LMBR1: variants seen among roughly 807,000 people sequenced by gnomAD.
The protein encoded by LMBR1 is limb development membrane protein 1, also known as limb region 1 protein homolog.
A neutral mutation model predicts 73.9 loss-of-function variants in LMBR1; 52 were observed. That is an observed-to-expected ratio of 0.70 (90% CI 0.56 to 0.89). The LOEUF (loss-of-function observed/expected upper bound fraction) is 0.89. LMBR1 is among the 40% of genes least tolerant of loss of function. The pLI, the probability that LMBR1 is intolerant of heterozygous loss-of-function variation, is 0.00. For synonymous variants in LMBR1, 215 were observed against 209.4 expected (o/e 1.03, Z -0.23); for missense variants, 539 against 579.8 (o/e 0.93, Z 0.72).
intron 5 of LMBR1, among the ~76,000 whole-genome samples, chr7:156,772,098 A>AC (rs1825295251): frequency 6.6e-6 from 1 of 152,094 alleles, no homozygotes; most frequent in South Asian, 2.1e-4. Flanking sequence ...ACATGGTGAA[A>AC]CCCCGTCTCT....
intron 4 of LMBR1, among the ~76,000 whole-genome samples, chr7:156,808,683 T>G (rs535958287): frequency 1.4e-4 from 21 of 152,342 alleles, no homozygotes; most frequent in African/African-American, 4.6e-4. Context: ...AAGTATTTTT[T>G]ATGATTCTAG....
At chr7:156,818,851 C>G (rs1423867009) in intron 4 of LMBR1, among the ~76,000 whole-genome samples, 1 of 152,060 alleles carries the variant, frequency 6.6e-6, no homozygotes, top group Non-Finnish European at 1.5e-5. Context: ...ATTTTTTAAC[C>G]CTTTTTCCTA....
chr7:156,848,408 C>T (rs1056753489), intron 1 of LMBR1, among the ~76,000 whole-genome samples: 3 of 152,158 alleles, frequency 2.0e-5, no homozygotes, highest in Non-Finnish European at 4.4e-5. Context: ...AGAAGACATA[C>T]ATGCAGCCAA....
In LMBR1 at chr7:156,683,947, A is replaced by G. The variant is rs143730984; in HGVS notation, c.*131T>C. The G allele has an allele frequency of 4.8e-5, 34 of 705,810 alleles. No homozygotes were observed. In the African/African-American group the frequency reaches 5.9e-4, roughly 12 times the overall value. 43.7% of individuals were successfully genotyped at this position (705,810 alleles called of 1,614,324 possible). A position where few individuals can be genotyped will look rare whatever the true frequency, so the allele number is the denominator to read the frequency against. ...CAAGTTCTTCGTAGATTATGAAAAA[A>G]AAATGGCACTGATAGGTCTAGGTTC... On this transcript the variant is annotated 3_prime_UTR_variant, in exon 17 of 17. Coordinates refer to ENST00000353442, the MANE Select transcript of LMBR1 (RefSeq NM_022458.4).
At position 156,794,412 on chromosome 7, in the gene LMBR1, C is replaced by A. The variant is rs185555767; in HGVS notation, c.423+1977G>T. On this transcript the variant is annotated intron_variant, in intron 5 of 16. Coordinates refer to ENST00000353442, the MANE Select transcript of LMBR1 (RefSeq NM_022458.4). ...TTGACCTTAAGTCTGTAAGGGGGAA[C>A]AGGAGAAAAATGACATGTCACTGGG... is the stretch of plus-strand genomic sequence containing the variant. Among the ~76,000 whole-genome samples, 4 of 152,236 alleles carry A rather than the reference C, an allele frequency of 2.6e-5. 1 individual carries two copies. The highest frequency in any genetic ancestry group is 2.6e-4 in the Admixed American group (4 of 15,298).
chr7:156,770,720 C>A (rs2133048456), intron 5 of LMBR1, among the ~76,000 whole-genome samples: 1 of 152,088 alleles, frequency 6.6e-6, no homozygotes, highest in East Asian at 1.9e-4. Flanking sequence ...TCAAGACCAG[C>A]CTGGGCAACA....
intron 15 of LMBR1, among the ~76,000 whole-genome samples, chr7:156,712,769 G>A (rs1812345603): frequency 6.6e-6 from 1 of 152,182 alleles, no homozygotes; most frequent in Non-Finnish European, 1.5e-5. Flanking sequence ...AAAGACAAAT[G>A]CTGTATGTTC....
intron 1 of LMBR1, among the ~76,000 whole-genome samples, chr7:156,867,200 T>G (rs1022508817): frequency 6.6e-6 from 1 of 152,018 alleles, no homozygotes; most frequent in Non-Finnish European, 1.5e-5. Flanking sequence ...AAAATGCAAA[T>G]CAAAATGACA....
chr7:156,718,227 C>T (rs1353070065), intron 15 of LMBR1, among the ~76,000 whole-genome samples: 1 of 151,592 alleles, frequency 6.6e-6, no homozygotes, highest in Non-Finnish European at 1.5e-5. Flanking sequence ...TGGCATAACC[C>T]CGTCTCTACT....
At position 156,889,006 on chromosome 7, in the gene LMBR1, A is replaced by G. The variant is rs188045695; in HGVS notation, c.66+3922T>C. On this transcript the variant is annotated intron_variant, in intron 1 of 16. Coordinates refer to ENST00000353442, the MANE Select transcript of LMBR1 (RefSeq NM_022458.4). ...GAGGGAGAGGTTGCAATGAGCCGAG[A>G]TCACGCCACTGCACTCTAGCCTGGG... is the stretch of plus-strand genomic sequence containing the variant. 8.3e-4 allele frequency among the ~76,000 whole-genome samples: 126 copies of G among 152,226 alleles called. 2 individuals carry two copies. In the East Asian group the frequency reaches 0.02, roughly 25 times the overall value.
intron 8 of LMBR1, among the ~76,000 whole-genome samples, chr7:156,761,466 A>G (rs1479987207): frequency 2.0e-5 from 3 of 152,176 alleles, no homozygotes; most frequent in Non-Finnish European, 2.9e-5. Context: ...AAATATAACC[A>G]TTTTGTAAAT....
intron 4 of LMBR1, among the ~76,000 whole-genome samples, chr7:156,820,604 T>TA (rs1173357293): frequency 6.6e-6 from 1 of 152,036 alleles, no homozygotes; most frequent in Non-Finnish European, 1.5e-5. Flanking sequence ...TGTTGTAGGG[T>TA]ATATGGAGAT....
In LMBR1 at chr7:156,670,555, T is replaced by C. The variant is rs1441377977; in HGVS notation, n.867-1268A>G. Among the ~76,000 whole-genome samples the C allele has an allele frequency of 6.6e-6, 1 of 152,168 alleles. No individual in the cohort carries two copies. The highest frequency in any genetic ancestry group is 1.5e-5 in the Non-Finnish European group (1 of 68,040). On this transcript the variant is annotated intron_variant and non_coding_transcript_variant, in intron 4 of 4. Transcript: ENST00000430825. This position sits in a 1 kb window ranked among gnomAD's most constrained non-coding sequence, Gnocchi z 4.3. ...TTAAGAAGCCCAAGGAAGCCCAATA[T>C]GATTTTGTTTTAAGTGTCTAGTGAG...
At chr7:156,869,098 T>G (rs938867751) in intron 1 of LMBR1, among the ~76,000 whole-genome samples, 2 of 152,234 alleles carry the variant, frequency 1.3e-5, no homozygotes, top group African/African-American at 4.8e-5. Flanking sequence ...AAAAATTATT[T>G]TATTAAGTGT....
chr7:156,676,510 G>A (rs749643377), downstream of LMBR1: 1 of 1,613,916 alleles, frequency 6.2e-7, no homozygotes, highest in Admixed American at 1.7e-5. Context: ...AGGCGTTCCA[G>A]AGAGATGGCC....
At chr7:156,890,587 C>T (rs773380293) in intron 1 of LMBR1, among the ~76,000 whole-genome samples, 5 of 152,098 alleles carry the variant, frequency 3.3e-5, no homozygotes, top group Non-Finnish European at 7.4e-5. Flanking sequence ...CAAACAGGTG[C>T]TCAAATTCAT....
chr7:156,705,386 C>T (rs2132110927), intron 15 of LMBR1, among the ~76,000 whole-genome samples: 1 of 152,220 alleles, frequency 6.6e-6, no homozygotes, highest in Non-Finnish European at 1.5e-5. Context: ...GGTAAGACCT[C>T]CATCTCTACA....
At chr7:156,747,677 T>C (rs751895272) in intron 9 of LMBR1, among the ~76,000 whole-genome samples, 11 of 152,112 alleles carry the variant, frequency 7.2e-5, no homozygotes, top group Non-Finnish European at 1.3e-4. Context: ...CATTTAACTT[T>C]TAATTTACCA....
intron 10 of LMBR1, 40 bp from the exon 11 acceptor site, chr7:156,728,760 A>C (rs1816267103): frequency 7.2e-7 from 1 of 1,384,790 alleles, no homozygotes; most frequent in Non-Finnish European, 1.0e-6. Flanking sequence ...AGTTTTCTCC[A>C]AATTAACATT....
Sources: allele counts gnomAD v4.1 joint callset (sites outside exome capture counted in the v4.1 genomes callset), GRCh38; gene constraint gnomAD v4.1.1; non-coding constraint Gnocchi (gnomAD v3.1); transcripts MANE v1.5; gene names NCBI Gene and HGNC (gene_info 2026-07-23, HGNC 2026-07-21).